RORB: variants seen among roughly 807,000 people sequenced by gnomAD.
RORB encodes nuclear receptor ROR-beta.
In RORB, 6 loss-of-function variants were observed where a neutral mutation model predicts 59.1. That is an observed-to-expected ratio of 0.10 (90% CI 0.06 to 0.20). The LOEUF is 0.20. RORB is among the 10% of genes least tolerant of loss of function. RORB has a pLI of 1.00. For synonymous variants in RORB, 215 were observed against 204.5 expected, an observed-to-expected ratio of 1.05 and a Z score of -0.44; for missense variants, 320 against 560.5, an observed-to-expected ratio of 0.57 and a Z score of 4.33.
In RORB at chr9:74,587,163, C is replaced by T. The variant is rs546965612; in HGVS notation, c.8-43119C>T. Among the ~76,000 whole-genome samples, 22 of 152,276 alleles carry T rather than the reference C, an allele frequency of 1.4e-4. No homozygotes were observed. In the East Asian group the frequency reaches 3.7e-3, roughly 25 times the overall value. Reference sequence around the variant, plus strand: ...AAGGAGGTCCAGCCTAGTCAATCCACGGTGGTCTGAATCAACGGTTTCAGG... The same window carrying T: ...AAGGAGGTCCAGCCTAGTCAATCCATGGTGGTCTGAATCAACGGTTTCAGG... On this transcript the variant is annotated intron_variant, in intron 1 of 9. Transcript: ENST00000376896.
intron 5 of RORB, among the ~76,000 whole-genome samples, chr9:74,661,628 C>CT (rs1824183493): frequency 9.6e-6 from 1 of 104,712 alleles, no homozygotes; most frequent in Admixed American, 9.8e-5. Context: ...CCTCGGAATT[C>CT]TTTTTTCCTT....
chr9:74,673,679 T>C (rs1447237285), intron 9 of RORB, among the ~76,000 whole-genome samples: 1 of 152,210 alleles, frequency 6.6e-6, no homozygotes, highest in East Asian at 1.9e-4. Context: ...TTATGTCAAC[T>C]GTAGATCAGA....
chr9:74,689,767 GAGGCTTGA>G lies in RORB; in HGVS notation c.*4154_*4161del, dbSNP rs1189000036. 1.3e-5 allele frequency: 2 copies of G among 152,164 alleles called. No homozygotes were observed. Among genetic ancestry groups the G allele is most frequent in the African/African-American group, 4.8e-5 (2 of 41,424 alleles). 9.4% of individuals were successfully genotyped at this position (152,164 alleles called of 1,614,324 possible). The stretch of plus-strand genomic sequence containing the variant: ...TCACTCTCTACAATGCAATGTGTAC[GAGGCTTGA>G]AGGCAAAAACAATTCTTGGGTCCCA... On this transcript the variant is annotated 3_prime_UTR_variant, in exon 10 of 10. Transcript: ENST00000376896.
At chr9:74,498,257 A>G in intron 1 of RORB, 1 of 502,984 alleles carries the variant, frequency 2.0e-6, no homozygotes, top group East Asian at 3.0e-5. Flanking sequence ...CTTGAGTTGC[A>G]CTGAATCTTT....
intron 1 of RORB, among the ~76,000 whole-genome samples, chr9:74,593,740 A>C (rs1047605366): frequency 2.0e-5 from 3 of 152,210 alleles, no homozygotes; most frequent in Non-Finnish European, 2.9e-5. Context: ...AGGAAAATGC[A>C]CTAATCCAGC....
chr9:74,554,441 T>C (rs1438437547), intron 1 of RORB, among the ~76,000 whole-genome samples: 2 of 152,140 alleles, frequency 1.3e-5, no homozygotes, highest in African/African-American at 4.8e-5. Context: ...TTTGGACAGT[T>C]GCAGGAGTTT....
chr9:74,664,595 GA>G lies in RORB; in HGVS notation c.893-889del, dbSNP rs567622491. On this transcript the variant is annotated intron_variant, in intron 6 of 9. Transcript: ENST00000376896. ...TGGTACCCATCTACTGTTTGTGTCA[GA>G]AAAGCATTCCTTCAATTAATATTTG... is the stretch of plus-strand genomic sequence containing the variant. Among the ~76,000 whole-genome samples the G allele has an allele frequency of 1.4e-3, 207 of 152,306 alleles. 1 individual carries two copies. Among genetic ancestry groups the G allele is most frequent in the African/African-American group, 4.6e-3 (192 of 41,570 alleles).
At chr9:74,677,172 C>T (rs1038968395) in intron 9 of RORB, among the ~76,000 whole-genome samples, 4 of 152,152 alleles carry the variant, frequency 2.6e-5, no homozygotes, top group Admixed American at 6.5e-5. Flanking sequence ...GATCTAACTC[C>T]GGATGATCAA....
intron 1 of RORB, among the ~76,000 whole-genome samples, chr9:74,629,526 C>G (rs1023074558): frequency 6.6e-6 from 1 of 151,938 alleles, no homozygotes; most frequent in African/African-American, 2.4e-5. Context: ...ATGCCCTTTG[C>G]CTTTCCCTTC....
At chr9:74,566,243 T>A (rs928004530) in intron 1 of RORB, among the ~76,000 whole-genome samples, 3 of 152,096 alleles carry the variant, frequency 2.0e-5, no homozygotes, top group African/African-American at 7.2e-5. Flanking sequence ...TTTACAGCAA[T>A]TCATTTTTTT....
intron 1 of RORB, among the ~76,000 whole-genome samples, chr9:74,507,472 G>C (rs1165140284): frequency 6.6e-6 from 1 of 151,980 alleles, no homozygotes; most frequent in Non-Finnish European, 1.5e-5. Flanking sequence ...CATTTAAAAA[G>C]TTTCATTTCA....
intron 4 of RORB, among the ~76,000 whole-genome samples, chr9:74,649,989 A>T (rs1056620431): frequency 1.3e-5 from 2 of 152,244 alleles, no homozygotes; most frequent in Admixed American, 6.5e-5. Context: ...AGAACCTCAT[A>T]AGAAGATTCT....
At chr9:74,659,097 A>T (rs922314771) in intron 4 of RORB, among the ~76,000 whole-genome samples, 1 of 152,332 alleles carries the variant, frequency 6.6e-6, no homozygotes, top group Non-Finnish European at 1.5e-5. Flanking sequence ...CAAACTATGT[A>T]GACTGTCCTA....
intron 3 of RORB, among the ~76,000 whole-genome samples, chr9:74,635,814 C>T (rs1823691873): frequency 6.6e-6 from 1 of 152,052 alleles, no homozygotes; most frequent in African/African-American, 2.4e-5. Context: ...AAGAAACTTC[C>T]AAATTTTAAA....
chr9:74,502,614 T>G (rs1825818110), intron 1 of RORB, among the ~76,000 whole-genome samples: 1 of 152,090 alleles, frequency 6.6e-6, no homozygotes, highest in Non-Finnish European at 1.5e-5. Flanking sequence ...TAGTTTAATA[T>G]TATAACTTTA....
In RORB at chr9:74,689,921, T is replaced by C. The variant is rs1824712106; in HGVS notation, c.*4303T>C. 6.6e-6 allele frequency: 1 copy of C among 152,202 alleles called. No individual in the cohort carries two copies. The highest frequency in any genetic ancestry group is 2.1e-4 in the South Asian group (1 of 4,834). 9.4% of individuals were successfully genotyped at this position (152,202 alleles called of 1,614,324 possible). A position where few individuals can be genotyped will look rare whatever the true frequency, so the allele number is the denominator to read the frequency against. On this transcript the variant is annotated 3_prime_UTR_variant, in exon 10 of 10. Coordinates refer to ENST00000376896, the MANE Select transcript of RORB (RefSeq NM_006914.4). ...GAAGCAAGGAAAAATTCTATTTCTA[T>C]TGGAAATTAGAAGAAATAATTTCTT...
chr9:74,569,311 T>A (rs900812011), intron 1 of RORB, among the ~76,000 whole-genome samples: 5 of 152,052 alleles, frequency 3.3e-5, no homozygotes, highest in Non-Finnish European at 7.4e-5. Context: ...TTTTTTTAAC[T>A]CTGCTGTTAA....
intron 1 of RORB, among the ~76,000 whole-genome samples, chr9:74,564,688 G>A (rs1332729088): frequency 2.0e-5 from 3 of 152,174 alleles, no homozygotes; most frequent in African/African-American, 7.2e-5. Flanking sequence ...TAATGTAAAC[G>A]TGGTTTTTAT....
chr9:74,673,578 C>T (rs1424382524), intron 9 of RORB, among the ~76,000 whole-genome samples: 4 of 152,114 alleles, frequency 2.6e-5, no homozygotes, highest in Non-Finnish European at 5.9e-5. Context: ...CACTTTCTAC[C>T]TCCCACTGTC....
Sources: allele counts gnomAD v4.1 joint callset (sites outside exome capture counted in the v4.1 genomes callset), GRCh38; gene constraint gnomAD v4.1.1; transcripts MANE v1.5; gene names NCBI Gene and HGNC (gene_info 2026-07-23, HGNC 2026-07-21).